The following ITGA2 variants were observed in gnomAD, a reference collection of about 807,000 sequenced individuals.
ITGA2 encodes the protein integrin alpha-2.
Under a neutral mutation model 146.3 loss-of-function variants are expected in ITGA2, and 101 were observed. That is an observed-to-expected ratio of 0.69 (90% CI 0.59 to 0.81). The LOEUF (loss-of-function observed/expected upper bound fraction) is 0.81. ITGA2 is among the 40% of genes least tolerant of loss of function. The probability of loss-of-function intolerance (pLI) is 0.00; values close to 1 mark genes in which losing one functional copy is unlikely to be tolerated. For missense variants in ITGA2, 1,281 were observed against 1,402.7 expected (o/e 0.91, Z 1.39); for synonymous variants, 477 against 487.1 (o/e 0.98, Z 0.27).
chr5:53,030,497 G>A (rs942455014), intron 2 of ITGA2, among the ~76,000 whole-genome samples: 2 of 152,204 alleles, frequency 1.3e-5, no homozygotes, highest in African/African-American at 4.8e-5. Context: ...CATGCAAGAG[G>A]AAGAGACAGC....
At chr5:53,081,179 C>T (rs557466416) in intron 25 of ITGA2, among the ~76,000 whole-genome samples, 4 of 152,270 alleles carry the variant, frequency 2.6e-5, no homozygotes, top group East Asian at 3.9e-4. Flanking sequence ...GGCTGAGAAG[C>T]GCTGCTCTAG....
chr5:53,005,653 C>T (rs916400195), intron 1 of ITGA2, among the ~76,000 whole-genome samples: 21 of 151,554 alleles, frequency 1.4e-4, no homozygotes, highest in African/African-American at 5.1e-4. Context: ...GAAGTGTGCC[C>T]CCCTCAGTAG....
chr5:53,000,907 T>TG (rs1415670492), intron 1 of ITGA2, among the ~76,000 whole-genome samples: 2 of 145,298 alleles, frequency 1.4e-5, no homozygotes, highest in Non-Finnish European at 3.0e-5. Flanking sequence ...GTTTTTTTTT[T>TG]TTTTTTTTTT....
chr5:53,081,524 A>G (rs567396719), intron 25 of ITGA2, 68 bp from the exon 26 acceptor site: 2 of 1,230,146 alleles, frequency 1.6e-6, no homozygotes, highest in East Asian at 4.9e-5. Flanking sequence ...AGGATTTCCT[A>G]ACATGTTGAA....
At chr5:53,013,312 C>A (rs753421484) in intron 1 of ITGA2, among the ~76,000 whole-genome samples, 3 of 150,764 alleles carry the variant, frequency 2.0e-5, no homozygotes, top group Non-Finnish European at 3.0e-5. Flanking sequence ...AATCTTCTGC[C>A]TGTGACTAGC....
At chr5:53,027,278 A>T (rs921761149) in intron 2 of ITGA2, among the ~76,000 whole-genome samples, 1 of 152,076 alleles carries the variant, frequency 6.6e-6, no homozygotes, top group Admixed American at 6.6e-5. Context: ...TGTTTCCTAC[A>T]TTTTTTTCTT....
At chr5:53,040,470 T>G (rs1269502450) in intron 2 of ITGA2, among the ~76,000 whole-genome samples, 4 of 152,212 alleles carry the variant, frequency 2.6e-5, no homozygotes, top group Non-Finnish European at 5.9e-5. Flanking sequence ...GCGTTCCAAT[T>G]CTGCACTGGT....
intron 28 of ITGA2, chr5:53,088,985 G>A (rs764764291): frequency 6.6e-6 from 1 of 152,192 alleles, no homozygotes; most frequent in Non-Finnish European, 1.5e-5. Flanking sequence ...AAAGAGAGAA[G>A]TAGGCTTATG....
At chr5:53,003,067 A>T (rs1429319660) in intron 1 of ITGA2, among the ~76,000 whole-genome samples, 1 of 152,060 alleles carries the variant, frequency 6.6e-6, no homozygotes, top group Non-Finnish European at 1.5e-5. Flanking sequence ...AAAGACCATG[A>T]CTCCAACCTG....
intron 13 of ITGA2, among the ~76,000 whole-genome samples, chr5:53,063,424 G>A (rs938762500): frequency 6.6e-6 from 1 of 151,732 alleles, no homozygotes; most frequent in Non-Finnish European, 1.5e-5. Flanking sequence ...GTAACATTTA[G>A]GCATGTATCC....
chr5:53,004,363 C>T (rs1032972876), intron 1 of ITGA2, among the ~76,000 whole-genome samples: 3 of 151,790 alleles, frequency 2.0e-5, no homozygotes, highest in Admixed American at 2.0e-4. Context: ...TTGGGAAGAT[C>T]GAAGGGGATT....
At chr5:53,060,135 A>G (rs942145948) in intron 11 of ITGA2, 123 bp downstream of exon 11, 1 of 989,194 alleles carries the variant, frequency 1.0e-6, no homozygotes, top group African/African-American at 1.6e-5. Context: ...CATATTTATT[A>G]CACATACATA....
rs141898754 is a variant in ITGA2 at position 53,022,086 on chromosome 5, A to G, written c.65-4662A>G. On this transcript the variant is annotated intron_variant, in intron 1 of 29. Transcript: ENST00000296585. ...ATCCTTTAGTTCTGACACTGATATC[A>G]TAGACATCAATAAACTTCCCTTGCC... Among the ~76,000 whole-genome samples, 1,044 of 152,342 alleles carry G rather than the reference A, an allele frequency of 6.9e-3. 5 individuals carry two copies. Among genetic ancestry groups the G allele is most frequent in the Non-Finnish European group, 0.011 (722 of 68,036 alleles).
intron 25 of ITGA2, among the ~76,000 whole-genome samples, chr5:53,081,133 C>A (rs1474605449): frequency 1.3e-5 from 2 of 152,082 alleles, no homozygotes; most frequent in African/African-American, 4.8e-5. Context: ...TAACCACCCC[C>A]ACTCCATCCA....
chr5:53,004,339 A>G (rs1741723915), intron 1 of ITGA2, among the ~76,000 whole-genome samples: 1 of 152,116 alleles, frequency 6.6e-6, no homozygotes, highest in African/African-American at 2.4e-5. Flanking sequence ...ACAATTCCCT[A>G]CCTTGTTGGG....
intron 27 of ITGA2, among the ~76,000 whole-genome samples, chr5:53,085,185 G>A (rs976741641): frequency 1.3e-5 from 2 of 152,222 alleles, no homozygotes; most frequent in Non-Finnish European, 2.9e-5. Flanking sequence ...CTCATTTCCT[G>A]TATTTGAACC....
At chr5:53,043,916 T>A (rs1299274384) in intron 3 of ITGA2, among the ~76,000 whole-genome samples, 1 of 152,230 alleles carries the variant, frequency 6.6e-6, no homozygotes, top group East Asian at 1.9e-4. Context: ...CTGATTCATC[T>A]TCTCTGCAGT....
intron 2 of ITGA2, among the ~76,000 whole-genome samples, chr5:53,037,821 C>G (rs1017973503): frequency 4.6e-5 from 7 of 152,140 alleles, no homozygotes; most frequent in Admixed American, 4.6e-4. Flanking sequence ...CAAGAGTTAC[C>G]AAAGTGGTCT....
At chr5:52,997,065 G>T (rs1048812365) in intron 1 of ITGA2, among the ~76,000 whole-genome samples, 1 of 152,140 alleles carries the variant, frequency 6.6e-6, no homozygotes, top group Non-Finnish European at 1.5e-5. Flanking sequence ...TTATATTCAA[G>T]TGTTTTATCC....
Sources: allele counts gnomAD v4.1 joint callset (sites outside exome capture counted in the v4.1 genomes callset), GRCh38; gene constraint gnomAD v4.1.1; transcripts MANE v1.5; gene names NCBI Gene and HGNC (gene_info 2026-07-23, HGNC 2026-07-21).